Variants in ZNF521 observed in about 807,000 individuals in gnomAD.
ZNF521 encodes the protein LYST-interacting protein 3.
Under a neutral mutation model 105.5 loss-of-function variants are expected in ZNF521, and 14 were observed. That is an observed-to-expected ratio of 0.13 (90% CI 0.09 to 0.21). The LOEUF (loss-of-function observed/expected upper bound fraction) is 0.21. Among genes scored for constraint, ZNF521 ranks in the 10% least tolerant of loss-of-function variants. The pLI, the probability that ZNF521 is intolerant of heterozygous loss-of-function variation, is 1.00. For missense variants in ZNF521, 1,233 were observed against 1,629.7 expected (o/e 0.76, Z 4.19); for synonymous variants, 635 against 606.0 (o/e 1.05, Z -0.70).
At chr18:25,231,071 A>C (rs1011705032) in intron 3 of ZNF521, among the ~76,000 whole-genome samples, 1 of 152,302 alleles carries the variant, frequency 6.6e-6, no homozygotes, top group South Asian at 2.1e-4. Context: ...CAGCCTGAGT[A>C]AATAAAAGAG....
chr18:25,275,765 G>T (rs918577160), intron 3 of ZNF521, among the ~76,000 whole-genome samples: 19 of 152,306 alleles, frequency 1.2e-4, no homozygotes, highest in African/African-American at 4.3e-4. Context: ...GACTGACCAG[G>T]ATTGCCTACG....
At chr18:25,074,594 A>G (rs2033315117) in intron 7 of ZNF521, among the ~76,000 whole-genome samples, 1 of 152,130 alleles carries the variant, frequency 6.6e-6, no homozygotes, top group Admixed American at 6.5e-5. Flanking sequence ...TGCATTTCCT[A>G]TTCTCTATTA....
intron 5 of ZNF521, among the ~76,000 whole-genome samples, chr18:25,180,760 C>T (rs760366613): frequency 2.0e-5 from 3 of 152,130 alleles, no homozygotes; most frequent in Non-Finnish European, 2.9e-5. Flanking sequence ...GATTGAGAAC[C>T]TGTCTCTGGT....
chr18:25,150,891 CTTT>C (rs559303954), intron 5 of ZNF521, among the ~76,000 whole-genome samples: 1 of 132,182 alleles, frequency 7.6e-6, no homozygotes, highest in Admixed American at 8.0e-5. Context: ...TTTCTTTTTT[CTTT>C]TTTTTTTTTT....
intron 5 of ZNF521, among the ~76,000 whole-genome samples, chr18:25,130,738 T>C (rs760593889): frequency 4.6e-5 from 7 of 151,768 alleles, no homozygotes; most frequent in Non-Finnish European, 8.8e-5. Flanking sequence ...AGGCTAGGAG[T>C]TGGAGATAGG....
At chr18:25,285,274 C>G (rs1022044474) in intron 3 of ZNF521, among the ~76,000 whole-genome samples, 1 of 152,126 alleles carries the variant, frequency 6.6e-6, no homozygotes, top group African/African-American at 2.4e-5. Context: ...TTCAGGCATT[C>G]GGAGAGAACC....
chr18:25,130,804 G>A (rs1175180682), intron 5 of ZNF521, among the ~76,000 whole-genome samples: 2 of 152,102 alleles, frequency 1.3e-5, no homozygotes, highest in Admixed American at 1.3e-4. Context: ...TTAGCCAGGT[G>A]TTGTGGTGCA....
intron 5 of ZNF521, among the ~76,000 whole-genome samples, chr18:25,123,943 G>A (rs1049605367): frequency 1.3e-5 from 2 of 151,918 alleles, no homozygotes; most frequent in Admixed American, 1.3e-4. Flanking sequence ...AAATTCACTC[G>A]ACTGATTGTT....
At chr18:25,347,491 G>A (rs112190407) in intron 2 of ZNF521, among the ~76,000 whole-genome samples, 6 of 151,982 alleles carry the variant, frequency 3.9e-5, no homozygotes, top group South Asian at 2.1e-4. Context: ...GAATCTTTTC[G>A]GTGTTTAACA....
intron 5 of ZNF521, among the ~76,000 whole-genome samples, chr18:25,112,094 T>G (rs1364721578): frequency 2.0e-5 from 3 of 152,206 alleles, no homozygotes; most frequent in Admixed American, 2.0e-4. Context: ...TTTGGCACAT[T>G]CAGCCTGGGG....
intron 5 of ZNF521, among the ~76,000 whole-genome samples, chr18:25,105,358 T>C (rs2034050871): frequency 6.6e-6 from 1 of 152,204 alleles, no homozygotes; most frequent in Non-Finnish European, 1.5e-5. Flanking sequence ...TCTCATCTTC[T>C]GCAAAATATC....
chr18:25,170,941 C>T (rs755074107), intron 5 of ZNF521, among the ~76,000 whole-genome samples: 5 of 151,974 alleles, frequency 3.3e-5, no homozygotes, highest in African/African-American at 1.2e-4. Context: ...AATCTGATTC[C>T]AGTATTAAGA....
chr18:25,067,108 T>C (rs920572112), intron 7 of ZNF521, among the ~76,000 whole-genome samples: 7 of 152,062 alleles, frequency 4.6e-5, no homozygotes, highest in African/African-American at 1.7e-4. Flanking sequence ...AGCCATCTCC[T>C]GGAGACCCCA....
chr18:25,255,554 T>C (rs1908421166), intron 3 of ZNF521, among the ~76,000 whole-genome samples: 2 of 152,148 alleles, frequency 1.3e-5, no homozygotes, highest in South Asian at 2.1e-4. Flanking sequence ...GTAAATATTT[T>C]AATCTATACA....
chr18:25,297,415 T>A (rs1367580162), intron 3 of ZNF521, among the ~76,000 whole-genome samples: 1 of 152,130 alleles, frequency 6.6e-6, no homozygotes, highest in African/African-American at 2.4e-5. Context: ...CCATGAAAAA[T>A]TCATATTAAA....
chr18:25,193,187 A>C (rs1303791769), intron 5 of ZNF521, among the ~76,000 whole-genome samples: 2 of 152,078 alleles, frequency 1.3e-5, no homozygotes, highest in Non-Finnish European at 2.9e-5. Flanking sequence ...GGAATGATAT[A>C]AAGCAATTTA....
chr18:25,153,415 T>C (rs2035084124), intron 5 of ZNF521, among the ~76,000 whole-genome samples: 1 of 152,156 alleles, frequency 6.6e-6, no homozygotes. Context: ...ACTGGGATAA[T>C]GAGAAGCTTG....
At chr18:25,152,466 G>A (rs1162623106) in intron 5 of ZNF521, among the ~76,000 whole-genome samples, 42 of 147,532 alleles carry the variant, frequency 2.8e-4, no homozygotes, top group Admixed American at 4.7e-4. Context: ...GCAACAGAGC[G>A]AGACTCGGTC....
At chr18:25,221,186 T>A (rs1905700651) in intron 4 of ZNF521, among the ~76,000 whole-genome samples, 1 of 152,184 alleles carries the variant, frequency 6.6e-6, no homozygotes. Flanking sequence ...TCAGAAAGCA[T>A]TAGGCAGAAG....
Sources: allele counts gnomAD v4.1 joint callset (sites outside exome capture counted in the v4.1 genomes callset), GRCh38; gene constraint gnomAD v4.1.1; transcripts MANE v1.5; gene names NCBI Gene and HGNC (gene_info 2026-07-23, HGNC 2026-07-21).